The following LRRC4C variants were observed in gnomAD, a reference collection of about 807,000 sequenced individuals.
LRRC4C encodes the protein leucine-rich repeat-containing protein 4C.
A neutral mutation model predicts 33.6 loss-of-function variants in LRRC4C; 5 were observed. That is an observed-to-expected ratio of 0.15 (90% CI 0.08 to 0.31). LRRC4C has a LOEUF of 0.31. Ranked by LOEUF, LRRC4C falls within the 10% of genes least tolerant of loss-of-function variation. LRRC4C has a pLI of 1.00. For missense variants in LRRC4C, 560 were observed against 796.7 expected, an observed-to-expected ratio of 0.70 and a Z score of 3.58; for synonymous variants, 329 against 302.0, an observed-to-expected ratio of 1.09 and a Z score of -0.93.
At chr11:40,763,347 C>A (rs1949313344) in intron 2 of LRRC4C, among the ~76,000 whole-genome samples, 1 of 151,908 alleles carries the variant, frequency 6.6e-6, no homozygotes, top group Non-Finnish European at 1.5e-5. Flanking sequence ...TTGTGAACTG[C>A]AGAAGAATAA....
intron 1 of LRRC4C, among the ~76,000 whole-genome samples, chr11:41,063,645 G>A (rs1322057982): frequency 6.6e-6 from 1 of 152,164 alleles, no homozygotes; most frequent in Non-Finnish European, 1.5e-5. Flanking sequence ...GCTTTATAAA[G>A]AGGAAAATGG....
intron 2 of LRRC4C, among the ~76,000 whole-genome samples, chr11:40,875,550 T>C (rs761676395): frequency 2.6e-5 from 4 of 152,138 alleles, no homozygotes; most frequent in Non-Finnish European, 5.9e-5. Flanking sequence ...CATTCCAAGA[T>C]ATATCATTAA....
Position 40,570,638 on chromosome 11 carries a change from G to A in LRRC4C, c.-270+77504C>T, listed in dbSNP as rs1038737742. 4.6e-5 allele frequency among the ~76,000 whole-genome samples: 7 copies of A among 152,086 alleles called. No homozygotes were observed. In the East Asian group the frequency reaches 7.7e-4, roughly 17 times the overall value. ...TGGTATTCATTCAGGATATGTTGAT[G>A]CCTCTACTTCCATTGTGGTGGCTTG... On this transcript the variant is annotated intron_variant, in intron 3 of 6. Transcript: ENST00000528697.
At chr11:40,833,097 G>T (rs1952493320) in intron 2 of LRRC4C, among the ~76,000 whole-genome samples, 1 of 152,122 alleles carries the variant, frequency 6.6e-6, no homozygotes, top group East Asian at 1.9e-4. Flanking sequence ...GTGGGGTGTG[G>T]TTATAATGTT....
intron 1 of LRRC4C, among the ~76,000 whole-genome samples, chr11:41,211,366 C>T (rs2136316945): frequency 6.6e-6 from 1 of 152,162 alleles, no homozygotes; most frequent in East Asian, 1.9e-4. Flanking sequence ...TTCTAGGGTA[C>T]ATGTGCACAA....
chr11:40,909,893 C>A (rs1304097400), intron 2 of LRRC4C, among the ~76,000 whole-genome samples: 1 of 152,130 alleles, frequency 6.6e-6, no homozygotes, highest in Admixed American at 6.6e-5. Flanking sequence ...ATATGACAAG[C>A]CACACTTTTA....
intron 2 of LRRC4C, among the ~76,000 whole-genome samples, chr11:40,672,321 A>T (rs987517275): frequency 6.6e-6 from 1 of 152,092 alleles, no homozygotes; most frequent in Non-Finnish European, 1.5e-5. Flanking sequence ...CATCCTTATG[A>T]TCTAATCACC....
At chr11:41,263,277 G>T (rs74769890) in intron 1 of LRRC4C, among the ~76,000 whole-genome samples, 1 of 151,980 alleles carries the variant, frequency 6.6e-6, no homozygotes, top group African/African-American at 2.4e-5. Flanking sequence ...ATTAACATCC[G>T]CACCCTCATC....
At chr11:40,498,169 A>G (rs1181796484) in intron 3 of LRRC4C, among the ~76,000 whole-genome samples, 2 of 152,196 alleles carry the variant, frequency 1.3e-5, no homozygotes, top group Non-Finnish European at 2.9e-5. Context: ...TTTTTGTATC[A>G]TAAGTCAGAA....
At chr11:41,171,676 T>A (rs1944984320) in intron 1 of LRRC4C, among the ~76,000 whole-genome samples, 2 of 151,870 alleles carry the variant, frequency 1.3e-5, no homozygotes, top group African/African-American at 2.4e-5. Context: ...AATAAAATTT[T>A]AAAAAAAGAT....
At chr11:41,043,095 A>G (rs1408842145) in intron 1 of LRRC4C, among the ~76,000 whole-genome samples, 1 of 78,166 alleles carries the variant, frequency 1.3e-5, no homozygotes. Context: ...TTTTTTTTGC[A>G]TGACGAGGAA....
chr11:40,137,247 T>C (rs1424513938), intron 6 of LRRC4C, among the ~76,000 whole-genome samples: 1 of 152,150 alleles, frequency 6.6e-6, no homozygotes, highest in Non-Finnish European at 1.5e-5. Flanking sequence ...CAGACTCTTG[T>C]CCTAGCTGCA....
chr11:41,351,236 T>TAC (rs1020230259), intron 1 of LRRC4C, among the ~76,000 whole-genome samples: 43 of 111,124 alleles, frequency 3.9e-4, no homozygotes, highest in African/African-American at 6.6e-4. Flanking sequence ...CACACACACA[T>TAC]ACACACACAC....
chr11:41,061,322 A>G (rs976541688), intron 1 of LRRC4C, among the ~76,000 whole-genome samples: 2 of 152,174 alleles, frequency 1.3e-5, no homozygotes, highest in African/African-American at 4.8e-5. Flanking sequence ...GTTTTTATCA[A>G]AGGATTTCCA....
At chr11:41,218,793 A>C (rs1947175492) in intron 1 of LRRC4C, among the ~76,000 whole-genome samples, 1 of 107,982 alleles carries the variant, frequency 9.3e-6, no homozygotes, top group Admixed American at 1.4e-4. Flanking sequence ...TTTGAGACGG[A>C]GTCTTGCTGT....
intron 6 of LRRC4C, among the ~76,000 whole-genome samples, chr11:40,129,399 T>G (rs1161896042): frequency 6.6e-6 from 1 of 152,154 alleles, no homozygotes; most frequent in East Asian, 1.9e-4. Flanking sequence ...CGGGGAGATT[T>G]CCCTATTTCT....
chr11:41,257,018 G>T (rs1591080194), intron 1 of LRRC4C, among the ~76,000 whole-genome samples: 1 of 151,932 alleles, frequency 6.6e-6, no homozygotes, highest in African/African-American at 2.4e-5. Flanking sequence ...TTGAGATAAA[G>T]GTGGGACCCA....
chr11:40,570,502 A>T (rs1957940983), intron 3 of LRRC4C, among the ~76,000 whole-genome samples: 1 of 152,174 alleles, frequency 6.6e-6, no homozygotes, highest in African/African-American at 2.4e-5. Flanking sequence ...AAATGGTTGC[A>T]TGTGTCCCTC....
At chr11:40,750,282 T>A (rs898558028) in intron 2 of LRRC4C, among the ~76,000 whole-genome samples, 4 of 151,932 alleles carry the variant, frequency 2.6e-5, no homozygotes, top group Non-Finnish European at 5.9e-5. Flanking sequence ...AACTATATAA[T>A]GAAAAACTAA....
Sources: allele counts gnomAD v4.1 joint callset (sites outside exome capture counted in the v4.1 genomes callset), GRCh38; gene constraint gnomAD v4.1.1; transcripts MANE v1.5; gene names NCBI Gene and HGNC (gene_info 2026-07-23, HGNC 2026-07-21).